The following LCLAT1 variants were observed in gnomAD, a reference collection of about 807,000 sequenced individuals.
LCLAT1 encodes lysocardiolipin acyltransferase 1.
LCLAT1 carries 11 observed loss-of-function variants against 30.7 expected under a neutral mutation model. The ratio of observed to expected loss-of-function variants is 0.36; its 90% CI spans 0.23 to 0.59. The LOEUF (loss-of-function observed/expected upper bound fraction) is 0.59. Ranked by LOEUF, LCLAT1 falls within the 20% of genes least tolerant of loss-of-function variation. The probability of loss-of-function intolerance (pLI) is 0.77; values close to 1 mark genes in which losing one functional copy is unlikely to be tolerated. For synonymous variants in LCLAT1, 155 were observed against 151.3 expected (o/e 1.02, Z -0.18); for missense variants, 402 against 458.6 (o/e 0.88, Z 1.13).
At chr2:30,604,660 C>CAAAAAA (rs71405526) in intron 5 of LCLAT1, among the ~76,000 whole-genome samples, 8 of 95,886 alleles carry the variant, frequency 8.3e-5, no homozygotes, top group East Asian at 3.3e-4. Flanking sequence ...GACTCCGTCT[C>CAAAAAA]AAAAAAAAAA....
intron 4 of LCLAT1, among the ~76,000 whole-genome samples, chr2:30,566,984 C>G (rs1665515373): frequency 6.6e-6 from 1 of 152,204 alleles, no homozygotes; most frequent in Non-Finnish European, 1.5e-5. Context: ...TTAACATACT[C>G]TGTGCCTGAG....
At chr2:30,498,109 T>C (rs1684205824) in intron 1 of LCLAT1, among the ~76,000 whole-genome samples, 2 of 152,030 alleles carry the variant, frequency 1.3e-5, no homozygotes, top group South Asian at 4.2e-4. Flanking sequence ...AAGGGTGAGG[T>C]TGGAGCAAAA....
chr2:30,600,625 T>TCTC (rs138828167), intron 5 of LCLAT1, among the ~76,000 whole-genome samples: 1 of 12,844 alleles, frequency 7.8e-5, no homozygotes, highest in Non-Finnish European at 1.7e-4. Context: ...ACCCCAAGTC[T>TCTC]CTTCTGGCTT....
intron 5 of LCLAT1, among the ~76,000 whole-genome samples, chr2:30,611,498 A>G (rs2166669): frequency 0.12 from 18,843 of 152,020 alleles, 1,316 homozygotes; most frequent in South Asian, 0.23. Flanking sequence ...CTTTATTTTC[A>G]GGTTTCTAAG....
chr2:30,614,983 G>C (rs1336163060), intron 5 of LCLAT1, among the ~76,000 whole-genome samples: 1 of 152,132 alleles, frequency 6.6e-6, no homozygotes, highest in Non-Finnish European at 1.5e-5. Context: ...GACAGTTCTG[G>C]TGGAATGATG....
At chr2:30,451,223 G>A (rs1681532017) in intron 1 of LCLAT1, among the ~76,000 whole-genome samples, 1 of 152,192 alleles carries the variant, frequency 6.6e-6, no homozygotes, top group East Asian at 1.9e-4. Context: ...TGCCGGTGTT[G>A]ACAAGGGTGT....
In LCLAT1 at chr2:30,642,670, C is replaced by T. The variant is rs1158355635; in HGVS notation, c.*2051C>T. ...CAACATTTAATTGCATGTCCTCTAA[C>T]GCTTTGAAACCTTTAGAGGGAAGAT... On this transcript the variant is annotated 3_prime_UTR_variant, in exon 6 of 6. Transcript: ENST00000379509. The T allele has an allele frequency of 5.3e-5, 8 of 151,638 alleles. No individual in the cohort carries two copies. The highest frequency in any genetic ancestry group is 1.5e-4 in the African/African-American group (6 of 41,286). The allele number at this position is 151,638 out of a possible 1,614,324, so 9.4% of individuals were successfully genotyped here.
intron 3 of LCLAT1, among the ~76,000 whole-genome samples, chr2:30,556,335 GGCA>G (rs1664917805): frequency 6.6e-6 from 1 of 152,080 alleles, no homozygotes; most frequent in Non-Finnish European, 1.5e-5. Context: ...TACAAAGACA[GGCA>G]GCAGAGTGGA....
intron 1 of LCLAT1, among the ~76,000 whole-genome samples, chr2:30,448,557 A>G (rs1286096988): frequency 6.6e-6 from 1 of 152,236 alleles, no homozygotes; most frequent in Non-Finnish European, 1.5e-5. Flanking sequence ...TCAGTCATCA[A>G]TAGCTGCAAT....
intron 5 of LCLAT1, among the ~76,000 whole-genome samples, chr2:30,619,985 ATTG>A (rs1341629753): frequency 6.6e-6 from 1 of 152,178 alleles, no homozygotes; most frequent in Non-Finnish European, 1.5e-5. Context: ...GTAAGTTAAA[ATTG>A]TTGTTGCCTT....
At position 30,494,898 on chromosome 2, in the gene LCLAT1, ATTTATC is replaced by A. The variant is rs372828834; in HGVS notation, c.-4-30686_-4-30681del. Among the ~76,000 whole-genome samples, 420 of 146,294 alleles carry A rather than the reference ATTTATC, an allele frequency of 2.9e-3. 1 individual carries two copies. The highest frequency in any genetic ancestry group is 9.7e-3 in the African/African-American group (384 of 39,736). On this transcript the variant is annotated intron_variant, in intron 1 of 5. Transcript: ENST00000379509. The stretch of plus-strand genomic sequence containing the variant: ...GGAGGGAAGTATAGTAAATCTATAT[ATTTATC>A]TTAATGATTCCAGGTTCGTTTCACG...
intron 3 of LCLAT1, among the ~76,000 whole-genome samples, chr2:30,557,840 TG>T (rs564586813): frequency 4.2e-4 from 64 of 152,320 alleles, no homozygotes; most frequent in South Asian, 1.2e-3. Flanking sequence ...TTTGACTTTT[TG>T]TTATAGTACA....
intron 5 of LCLAT1, among the ~76,000 whole-genome samples, chr2:30,635,638 TTG>T (rs1201435470): frequency 6.6e-6 from 1 of 152,194 alleles, no homozygotes; most frequent in African/African-American, 2.4e-5. Context: ...CTTCACAAGA[TTG>T]TTATAATTCT....
At chr2:30,489,834 A>G (rs1351304408) in intron 1 of LCLAT1, among the ~76,000 whole-genome samples, 1 of 151,962 alleles carries the variant, frequency 6.6e-6, no homozygotes, top group East Asian at 1.9e-4. Context: ...TGTACAAGCA[A>G]CCCACCATTA....
At chr2:30,549,454 C>T (rs1181314167) in intron 3 of LCLAT1, among the ~76,000 whole-genome samples, 1 of 152,104 alleles carries the variant, frequency 6.6e-6, no homozygotes, top group Non-Finnish European at 1.5e-5. Flanking sequence ...AAAAGATATG[C>T]TTTTATAATG....
intron 3 of LCLAT1, among the ~76,000 whole-genome samples, chr2:30,540,113 C>T (rs928617925): frequency 6.6e-6 from 1 of 152,184 alleles, no homozygotes; most frequent in East Asian, 1.9e-4. Context: ...GCTCTGTTGT[C>T]ACTCGGTTTC....
intron 4 of LCLAT1, among the ~76,000 whole-genome samples, chr2:30,567,122 GTTTTA>G (rs893885031): frequency 5.9e-5 from 9 of 152,038 alleles, no homozygotes; most frequent in African/African-American, 4.8e-5. Context: ...TAGTGTCTTA[GTTTTA>G]TTTTATTAGC....
intron 5 of LCLAT1, among the ~76,000 whole-genome samples, chr2:30,609,493 A>C (rs1448692731): frequency 6.6e-6 from 1 of 152,106 alleles, no homozygotes; most frequent in African/African-American, 2.4e-5. Flanking sequence ...TTTATCATAT[A>C]TTAAGTCCCC....
intron 3 of LCLAT1, among the ~76,000 whole-genome samples, chr2:30,553,094 GC>G (rs1664752562): frequency 6.6e-6 from 1 of 152,016 alleles, no homozygotes; most frequent in African/African-American, 2.4e-5. Context: ...AGTTATTAGA[GC>G]ATTAGGTGAG....
Sources: allele counts gnomAD v4.1 joint callset (sites outside exome capture counted in the v4.1 genomes callset), GRCh38; gene constraint gnomAD v4.1.1; transcripts MANE v1.5; gene names NCBI Gene and HGNC (gene_info 2026-07-23, HGNC 2026-07-21).